Variants in CFAP69 observed in about 807,000 individuals in gnomAD.
CFAP69 encodes the protein cilia and flagella associated protein 69, also known as cilia- and flagella-associated protein 69.
Under a neutral mutation model 123.0 loss-of-function variants are expected in CFAP69, and 92 were observed. The observed-to-expected ratio is 0.75, with a 90% confidence interval of 0.63 to 0.89. The LOEUF is 0.89. CFAP69 is among the 40% of genes least tolerant of loss of function. The probability of loss-of-function intolerance (pLI) is 0.00; values close to 1 mark genes in which losing one functional copy is unlikely to be tolerated. For synonymous variants in CFAP69, 380 were observed against 364.3 expected, an observed-to-expected ratio of 1.04 and a Z score of -0.49; for missense variants, 1,067 against 1,096.9, an observed-to-expected ratio of 0.97 and a Z score of 0.39.
At position 90,309,659 on chromosome 7, in the gene CFAP69, T is replaced by C. The variant is rs564750144; in HGVS notation, c.2655+292T>C. Among the ~76,000 whole-genome samples the C allele has an allele frequency of 3.3e-5, 5 of 152,322 alleles. No homozygotes were observed. The South Asian group carries it at 1.0e-3, about 32-fold the overall frequency. ...ATTTCACATCATTAAGGCATATTTATCTCCAATGTATATCCACTTTTGCCC... is the reference window on the plus strand; with the variant it reads ...ATTTCACATCATTAAGGCATATTTACCTCCAATGTATATCCACTTTTGCCC... On this transcript the variant is annotated intron_variant, in intron 22 of 22. Transcript: ENST00000389297.
chr7:90,319,548 A>G, the CFAP69 span: 2 of 398,468 alleles, frequency 5.0e-6, no homozygotes, highest in East Asian at 3.6e-5. Flanking sequence ...AAGCATCCAC[A>G]TTGTGCTCTA....
At chr7:90,317,433 T>C in the CFAP69 span, 1 of 151,502 alleles carries the variant, frequency 6.6e-6, no homozygotes, top group Non-Finnish European at 1.5e-5. Context: ...CTCCAACCAG[T>C]TGATTTTCTG....
In CFAP69 at chr7:90,268,422, A is replaced by G. The variant is rs780170968; in HGVS notation, c.532+38A>G. 4 of 1,403,544 alleles carry G rather than the reference A, an allele frequency of 2.8e-6. No homozygotes were observed. In the South Asian group the frequency reaches 4.7e-5, roughly 17 times the overall value. The allele number at this position is 1,403,544 out of a possible 1,614,324, so 86.9% of individuals were successfully genotyped here. On this transcript the variant is annotated intron_variant, in intron 6 of 22. Coordinates refer to ENST00000389297, the MANE Select transcript of CFAP69 (RefSeq NM_001039706.3). ...ATGGTCTTTCAGTGATAACTTGTGT[A>G]TGTAGAAAACAGAACATTCTCATAT...
rs752252911 is a variant in CFAP69, at chr7:90,310,238, A to C, written c.2826A>C (p.Ter942TyrextTer7). ...CACCAAAAAAGAGTATTCCTACGTA[A>C]TATACTATAGAGACTTTTTGAAATA... ...VDAPKKSIPT[*>Y] Residue 942 changes from the stop codon to tyrosine, a stop_lost, in exon 23 of 23, where the codon TAA becomes TAC. Transcript: ENST00000389297. The C allele has an allele frequency of 3.7e-6, 6 of 1,611,686 alleles. No homozygotes were observed. In the South Asian group the frequency reaches 6.6e-5, roughly 18 times the overall value.
In CFAP69 at chr7:90,277,141, A is replaced by G; in HGVS notation, c.1033+20A>G. ...ATGAAGGTAAAAAGAATAAAACTTTAAACTTCTTATAATTATCTTGATAAG... is the reference window on the plus strand; with the variant it reads ...ATGAAGGTAAAAAGAATAAAACTTTGAACTTCTTATAATTATCTTGATAAG... On this transcript the variant is annotated intron_variant, in intron 10 of 22. Coordinates refer to ENST00000389297, the MANE Select transcript of CFAP69 (RefSeq NM_001039706.3). 2.5e-6 allele frequency: 4 copies of G among 1,574,074 alleles called. No homozygotes were observed. Among genetic ancestry groups the G allele is most frequent in the Non-Finnish European group, 3.4e-6 (4 of 1,160,942 alleles).
At chr7:90,265,417 C>T (rs1363248047) in intron 5 of CFAP69, 40 bp downstream of exon 5, 7 of 1,322,354 alleles carry the variant, frequency 5.3e-6, no homozygotes, top group African/African-American at 1.5e-5. Context: ...ATGTAACATA[C>T]GACAGGTCCT....
chr7:90,257,960 T>G (rs2116681229), intron 2 of CFAP69, 138 bp from the exon 3 acceptor site: 1 of 612,492 alleles, frequency 1.6e-6, no homozygotes, highest in Non-Finnish European at 2.8e-6. Flanking sequence ...AGAAAACATT[T>G]TATAACGTTT....
chr7:90,316,381 T>C, the CFAP69 span: 1 of 152,246 alleles, frequency 6.6e-6, no homozygotes, highest in Non-Finnish European at 1.5e-5. Flanking sequence ...TCAAATGATT[T>C]TGAATAGGAC....
intron 9 of CFAP69, among the ~76,000 whole-genome samples, chr7:90,276,495 A>C (rs1788629824): frequency 1.3e-5 from 2 of 152,208 alleles, no homozygotes; most frequent in African/African-American, 4.8e-5. Context: ...TGCCCCTGTA[A>C]ACTCTCCCTA....
At chr7:90,272,711 T>C (rs559340476) in intron 8 of CFAP69, among the ~76,000 whole-genome samples, 1 of 152,070 alleles carries the variant, frequency 6.6e-6, no homozygotes, top group Non-Finnish European at 1.5e-5. Context: ...CTCTCTACAT[T>C]GTCTTCCATG....
chr7:90,249,646 T>C (rs2116531727), intron 1 of CFAP69, among the ~76,000 whole-genome samples: 1 of 152,286 alleles, frequency 6.6e-6, no homozygotes, highest in African/African-American at 2.4e-5. Context: ...CTATTTTCTA[T>C]TTAGTTTTGT....
In CFAP69 at chr7:90,304,498, A is replaced by T. The variant is rs557206705; in HGVS notation, c.2189-246A>T. 18 of 1,273,604 alleles carry T rather than the reference A, an allele frequency of 1.4e-5. No individual in the cohort carries two copies. The South Asian group carries it at 3.6e-4, about 25-fold the overall frequency. 78.9% of individuals were successfully genotyped at this position (1,273,604 alleles called of 1,614,324 possible). A position where few individuals can be genotyped will look rare whatever the true frequency, so the allele number is the denominator to read the frequency against. On this transcript the variant is annotated intron_variant, in intron 18 of 22. Coordinates refer to ENST00000389297, the MANE Select transcript of CFAP69 (RefSeq NM_001039706.3). Reference sequence around the variant, plus strand: ...AGTAAGATATTATTGTCTGACTACAACACAGAAAGAAATGATTCCTATATA... The same window carrying T: ...AGTAAGATATTATTGTCTGACTACATCACAGAAAGAAATGATTCCTATATA...
chr7:90,297,590 T>G (rs1164100927), intron 15 of CFAP69, among the ~76,000 whole-genome samples, 159 bp from the exon 16 acceptor site: 1 of 152,240 alleles, frequency 6.6e-6, no homozygotes, highest in Non-Finnish European at 1.5e-5. Flanking sequence ...CTGGTAAAGT[T>G]TCTTCAAAGT....
Position 90,245,500 on chromosome 7 carries a change from C to A in CFAP69, c.76C>A (p.Gln26Lys). 1 of 1,533,780 alleles carries A rather than the reference C, an allele frequency of 6.5e-7. No individual in the cohort carries two copies. The highest frequency in any genetic ancestry group is 2.6e-5 in the East Asian group (1 of 38,090). Reference sequence around the variant, plus strand: ...CAGGAACAAGTCTAGCAGTTCCAGTCAAATCCCGGTGGTTGGGGTGGTGAC... The same window carrying A: ...CAGGAACAAGTCTAGCAGTTCCAGTAAAATCCCGGTGGTTGGGGTGGTGAC... ...GIRNKSSSSS[Q>K]IPVVGVVTED... Residue 26 changes from glutamine (Q) to lysine (K), a missense_variant, in exon 1 of 23, where the codon CAA (glutamine) becomes AAA (lysine). Gln to Lys is a moderately conservative substitution (Grantham distance 53). Transcript: ENST00000389297.
chr7:90,270,102 G>T (rs1383364840), intron 6 of CFAP69: 2 of 152,158 alleles, frequency 1.3e-5, no homozygotes, highest in Non-Finnish European at 2.9e-5. Context: ...TCACACAGTT[G>T]GTTTCAAGTG....
At chr7:90,245,596 T>G in intron 1 of CFAP69, 52 bp downstream of exon 1, 1 of 1,421,206 alleles carries the variant, frequency 7.0e-7, no homozygotes. Flanking sequence ...GAGTGAAGTC[T>G]CGAGACGGGG....
chr7:90,296,142 T>C (rs1452054570), intron 15 of CFAP69, among the ~76,000 whole-genome samples: 1 of 152,174 alleles, frequency 6.6e-6, no homozygotes, highest in East Asian at 1.9e-4. Context: ...GTTGCTCTCA[T>C]TCAAACACCT....
intron 6 of CFAP69, among the ~76,000 whole-genome samples, chr7:90,271,198 C>A (rs775621294): frequency 2.0e-5 from 3 of 152,038 alleles, no homozygotes; most frequent in Non-Finnish European, 4.4e-5. Context: ...AACTCTGGGT[C>A]CCAGGTCAAA....
At chr7:90,250,926 A>G (rs1318193264) in intron 1 of CFAP69, among the ~76,000 whole-genome samples, 1 of 152,120 alleles carries the variant, frequency 6.6e-6, no homozygotes. Flanking sequence ...CACTGCGTCC[A>G]GTAACTCATT....
Sources: allele counts gnomAD v4.1 joint callset (sites outside exome capture counted in the v4.1 genomes callset), GRCh38; gene constraint gnomAD v4.1.1; transcripts MANE v1.5; gene names NCBI Gene and HGNC (gene_info 2026-07-23, HGNC 2026-07-21).